Variants in FAM111A observed in about 807,000 individuals in gnomAD.
FAM111A encodes the protein serine protease FAM111A.
FAM111A carries 8 observed loss-of-function variants against 3.3 expected under a neutral mutation model. The ratio of observed to expected loss-of-function variants is 2.39; its 90% CI spans 1.40 to 4.32. The LOEUF (loss-of-function observed/expected upper bound fraction) is 4.32, where lower values mean the gene tolerates loss of function less well. Ranked by LOEUF, FAM111A falls within the 30% of genes most tolerant of loss-of-function variation. The probability of loss-of-function intolerance (pLI) is 0.00; values close to 1 mark genes in which losing one functional copy is unlikely to be tolerated. For missense variants in FAM111A, 683 were observed against 727.6 expected, an observed-to-expected ratio of 0.94 and a Z score of 0.71; for synonymous variants, 227 against 243.1, an observed-to-expected ratio of 0.93 and a Z score of 0.62.
chr11:59,152,347 A>G lies in FAM111A; in HGVS notation c.679A>G (p.Lys227Glu), dbSNP rs745659530. 2.8e-5 allele frequency: 45 copies of G among 1,614,074 alleles called. No individual in the cohort carries two copies. The highest frequency in any genetic ancestry group is 5.9e-6 in the Non-Finnish European group (7 of 1,180,030). The change falls in exon 6 of 6, where the codon AAG (lysine) becomes GAG (glutamate). Residue 227 changes from lysine to glutamate, a missense_variant. Physicochemically the swap from Lys to Glu is moderately conservative, Grantham distance 56. Coordinates refer to ENST00000675163, the MANE Select transcript of FAM111A (RefSeq NM_001312909.2). ...KGETIKDALCKDGRFLSFLEN... is the reference protein window; with the variant it reads ...KGETIKDALCEDGRFLSFLEN... The stretch of plus-strand genomic sequence containing the variant: ...AGAAACCATCAAGGATGCACTGTGC[A>G]AGGATGGCAGATTTCTTTCCTTTCT...
In FAM111A at chr11:59,152,612, A is replaced by C; in HGVS notation, c.944A>C (p.Lys315Thr). 1 of 1,613,774 alleles carries C rather than the reference A, an allele frequency of 6.2e-7. No homozygotes were observed. The highest frequency in any genetic ancestry group is 8.5e-7 in the Non-Finnish European group (1 of 1,179,968). ...RESEKIIENF[K>T]KKMKVKNGET... ...AGTGAAAAAATCATTGAAAACTTCA[A>C]GAAAAAAATGAAAGTAAAAAATGGG... Residue 315 changes from lysine to threonine, a missense_variant, in exon 6 of 6, where the codon AAG (lysine) becomes ACG (threonine). This residue lies in a region of FAM111A where 557 missense variants were observed against 600.2 expected (regional missense o/e 0.93). Transcript: ENST00000675163.
chr11:59,144,163 A>G (rs1860513245), intron 3 of FAM111A: 3 of 152,250 alleles, frequency 2.0e-5, no homozygotes, highest in South Asian at 2.1e-4. Context: ...TTGTCTTATC[A>G]ACAGGTTGCT....
rs763126874 is a variant in FAM111A, at chr11:59,152,738, T to C, written c.1070T>C (p.Val357Ala). The stretch of plus-strand genomic sequence containing the variant: ...CTTCTTGTACGTCTCAGTGACTCAG[T>C]TGGGTACTTATTCTGGGACAGTGCA... ...VKLLVRLSDSVGYLFWDSATT... is the reference protein window; with the variant it reads ...VKLLVRLSDSAGYLFWDSATT... The change falls in exon 6 of 6, where the codon GTT becomes GCT. Residue 357 changes from valine (V) to alanine (A), a missense_variant. By Grantham distance (64) the Val-to-Ala change is moderately conservative (BLOSUM62 0). Coordinates refer to ENST00000675163, the MANE Select transcript of FAM111A (RefSeq NM_001312909.2). 8.1e-6 allele frequency: 13 copies of C among 1,614,058 alleles called. No homozygotes were observed. Among genetic ancestry groups the C allele is most frequent in the African/African-American group, 1.3e-5 (1 of 74,928 alleles).
In FAM111A at chr11:59,151,889, A is replaced by C. The variant is rs779763312; in HGVS notation, c.221A>C (p.Gln74Pro). The C allele has an allele frequency of 6.2e-7, 1 of 1,614,220 alleles. No homozygotes were observed. The highest frequency in any genetic ancestry group is 8.5e-7 in the Non-Finnish European group (1 of 1,180,036). ...KKNPEDQTMPQNRTIYVTLKV... is the reference protein window; with the variant it reads ...KKNPEDQTMPPNRTIYVTLKV... Reference sequence around the variant, plus strand: ...AATCCAGAAGACCAGACCATGCCCCAAAATAGGACAATATATGTTACCTTG... The same window carrying C: ...AATCCAGAAGACCAGACCATGCCCCCAAATAGGACAATATATGTTACCTTG... The change falls in exon 6 of 6, where the codon CAA becomes CCA. Residue 74 changes from glutamine (Q) to proline (P), a missense_variant. Transcript: ENST00000675163.
rs769199024 is a variant in FAM111A, at chr11:59,153,627, A to G, written c.*123A>G. The G allele has an allele frequency of 4.2e-6, 3 of 720,256 alleles. No homozygotes were observed. The highest frequency in any genetic ancestry group is 6.7e-6 in the Non-Finnish European group (3 of 448,138). 44.6% of individuals were successfully genotyped at this position (720,256 alleles called of 1,614,324 possible). ...ATAATAATAATATTGACCATTTCCTATCTGCCAGGCATTTTTCTAAGCACA... is the reference window on the plus strand; with the variant it reads ...ATAATAATAATATTGACCATTTCCTGTCTGCCAGGCATTTTTCTAAGCACA... On this transcript the variant is annotated 3_prime_UTR_variant, in exon 6 of 6. Coordinates refer to ENST00000675163, the MANE Select transcript of FAM111A (RefSeq NM_001312909.2).
intron 3 of FAM111A, chr11:59,145,596 A>C (rs1454829391): frequency 6.6e-6 from 1 of 152,264 alleles, no homozygotes; most frequent in African/African-American, 2.4e-5. Flanking sequence ...GCTCAAGTAC[A>C]TGCAAAATTA....
At chr11:59,147,856 G>A (rs1387059735) in intron 4 of FAM111A, among the ~76,000 whole-genome samples, 2 of 152,172 alleles carry the variant, frequency 1.3e-5, no homozygotes, top group Admixed American at 6.5e-5. Context: ...CTCCCTGGGT[G>A]TTCAAGCTCT....
intron 5 of FAM111A, 28 bp from the exon 6 acceptor site, chr11:59,151,722 T>G (rs1275316427): frequency 4.7e-6 from 7 of 1,500,884 alleles, no homozygotes; most frequent in Non-Finnish European, 6.3e-6. Flanking sequence ...GCATTCAGAG[T>G]TTTAAAGTAT....
At chr11:59,150,861 T>G (rs1222916636) in intron 5 of FAM111A, among the ~76,000 whole-genome samples, 1 of 152,088 alleles carries the variant, frequency 6.6e-6, no homozygotes, top group Non-Finnish European at 1.5e-5. Flanking sequence ...TTTTATAAAC[T>G]TTGGGGATTA....
rs1470678821 is a variant in FAM111A, at chr11:59,152,544, G to C, written c.876G>C (p.Leu292Phe). The change falls in exon 6 of 6, where the codon TTG becomes TTC. Residue 292 changes from leucine (L) to phenylalanine (F), a missense_variant. Coordinates refer to ENST00000675163, the MANE Select transcript of FAM111A (RefSeq NM_001312909.2). ...PESEKRNTCV[L>F]REQIVAQYPS... is the part of the protein sequence containing the mutation. ...CAGAGAAAAGAAACACCTGTGTGTTGAGAGAACAAATCGTGGCTCAGTACC... is the reference window on the plus strand; with the variant it reads ...CAGAGAAAAGAAACACCTGTGTGTTCAGAGAACAAATCGTGGCTCAGTACC... The C allele has an allele frequency of 6.2e-7, 1 of 1,613,974 alleles. No individual in the cohort carries two copies. The highest frequency in any genetic ancestry group is 2.2e-5 in the East Asian group (1 of 44,894).
chr11:59,148,612 T>C, intron 4 of FAM111A, 185 bp from the exon 5 acceptor site: 2 of 418,100 alleles, frequency 4.8e-6, no homozygotes, highest in Non-Finnish European at 8.6e-6. Context: ...TAGTATAATT[T>C]TCATGAAGTG....
Position 59,153,023 on chromosome 11 carries a change from T to C in FAM111A, c.1355T>C (p.Val452Ala), listed in dbSNP as rs1361687582. The change falls in exon 6 of 6, where the codon GTA (valine) becomes GCA (alanine). Residue 452 changes from valine to alanine, a missense_variant. This residue lies in a region of FAM111A where 557 missense variants were observed against 600.2 expected (regional missense o/e 0.93). Transcript: ENST00000675163. ...VLKLKENGQQ[V>A]PMELYNGITP... ...AAACTGAAGGAAAATGGACAACAAGTACCTATGGAACTATATAATGGAATT... is the reference window on the plus strand; with the variant it reads ...AAACTGAAGGAAAATGGACAACAAGCACCTATGGAACTATATAATGGAATT... 1.1e-5 allele frequency: 18 copies of C among 1,614,110 alleles called. No homozygotes were observed. Among genetic ancestry groups the C allele is most frequent in the Non-Finnish European group, 1.5e-5 (18 of 1,180,018 alleles).
chr11:59,150,361 G>A (rs1195581015), intron 5 of FAM111A, among the ~76,000 whole-genome samples: 1 of 152,118 alleles, frequency 6.6e-6, no homozygotes, highest in Non-Finnish European at 1.5e-5. Flanking sequence ...AACATATTAT[G>A]TGCTAGTCAT....
intron 5 of FAM111A, among the ~76,000 whole-genome samples, chr11:59,149,564 A>G (rs1256191119): frequency 6.6e-6 from 1 of 152,248 alleles, no homozygotes; most frequent in African/African-American, 2.4e-5. Flanking sequence ...TCAATACAAT[A>G]TGTTACAGTA....
intron 4 of FAM111A, 54 bp downstream of exon 4, chr11:59,145,910 T>C (rs1166970432): frequency 6.6e-6 from 1 of 152,104 alleles, no homozygotes; most frequent in African/African-American, 2.4e-5. Context: ...GATTATTTAC[T>C]GGGGGACCTA....
chr11:59,150,285 C>T (rs1338811881), intron 5 of FAM111A, among the ~76,000 whole-genome samples: 1 of 152,084 alleles, frequency 6.6e-6, no homozygotes, highest in African/African-American at 2.4e-5. Context: ...TCTGCATTAC[C>T]TTAAGTCCCT....
At position 59,152,290 on chromosome 11, in the gene FAM111A, G is replaced by T; in HGVS notation, c.622G>T (p.Gly208Trp). The change falls in exon 6 of 6, where the codon GGG becomes TGG. Residue 208 changes from glycine to tryptophan, a missense_variant. Around this residue, in one of 3 missense-constraint regions of FAM111A, gnomAD observed 557 missense variants for 600.2 expected, o/e 0.93. Coordinates refer to ENST00000675163, the MANE Select transcript of FAM111A (RefSeq NM_001312909.2). The stretch of plus-strand genomic sequence containing the variant: ...TAAATGTGGGAAGCTTCACAAAAAG[G>T]GGCGCAAACTCTGTGTTTATGCTTT... ...IVKCGKLHKK[G>W]RKLCVYAFKG... 6.2e-7 allele frequency: 1 copy of T among 1,614,156 alleles called. No individual in the cohort carries two copies. The highest frequency in any genetic ancestry group is 8.5e-7 in the Non-Finnish European group (1 of 1,180,026).
intron 3 of FAM111A, chr11:59,145,578 C>G (rs1392409938): frequency 1.3e-5 from 2 of 152,248 alleles, no homozygotes; most frequent in Admixed American, 1.3e-4. Context: ...CCCCTTTCCA[C>G]TGTGATTGCT....
chr11:59,146,221 A>T (rs1342169989), intron 4 of FAM111A, among the ~76,000 whole-genome samples: 1 of 152,010 alleles, frequency 6.6e-6, no homozygotes, highest in African/African-American at 2.4e-5. Context: ...AGTAGCTGGG[A>T]TTACAGGCAC....
Sources: gnomAD v4.1 joint callset for allele counts (sites outside exome capture counted in the v4.1 genomes callset) on GRCh38, gnomAD v4.1.1 for gene constraint, gnomAD v4.1.1 regional missense constraint, MANE v1.5 for transcripts, NCBI Gene and HGNC (gene_info 2026-07-23, HGNC 2026-07-21) for gene names.